The following NEBL variants were observed in gnomAD, a reference collection of about 807,000 sequenced individuals.
The protein encoded by NEBL is nebulette, also known as LIM and SH3 protein 2.
A neutral mutation model predicts 140.2 loss-of-function variants in NEBL; 122 were observed. The ratio of observed to expected loss-of-function variants is 0.87; its 90% CI spans 0.75 to 1.01. The LOEUF (loss-of-function observed/expected upper bound fraction) is 1.01. Among genes scored for constraint, NEBL ranks in the 50% least tolerant of loss-of-function variants. NEBL has a pLI of 0.00. For synonymous variants in NEBL, 436 were observed against 398.9 expected, an observed-to-expected ratio of 1.09 and a Z score of -1.11; for missense variants, 1,365 against 1,231.3, an observed-to-expected ratio of 1.11 and a Z score of -1.62.
chr10:21,020,840 C>T (rs1186488490), intron 2 of NEBL, among the ~76,000 whole-genome samples: 1 of 152,166 alleles, frequency 6.6e-6, no homozygotes, highest in African/African-American at 2.4e-5. Flanking sequence ...TCAAGGTCCT[C>T]ACCTGGGATC....
At chr10:20,802,070 A>G (rs575937346) in intron 26 of NEBL, among the ~76,000 whole-genome samples, 3 of 152,212 alleles carry the variant, frequency 2.0e-5, no homozygotes, top group Non-Finnish European at 2.9e-5. Context: ...ACAGAAACAC[A>G]TAGCATACCT....
intron 2 of NEBL, among the ~76,000 whole-genome samples, chr10:21,086,282 G>T (rs915204556): frequency 3.3e-5 from 5 of 152,180 alleles, no homozygotes; most frequent in Non-Finnish European, 1.5e-5. Flanking sequence ...CACGATTTGT[G>T]TAAGGAGAAA....
chr10:21,168,264 T>C (rs924131050), intron 2 of NEBL, among the ~76,000 whole-genome samples: 4 of 152,244 alleles, frequency 2.6e-5, no homozygotes, highest in Non-Finnish European at 5.9e-5. Flanking sequence ...TTATGTTTTC[T>C]TACAATAATT....
intron 2 of NEBL, among the ~76,000 whole-genome samples, chr10:21,031,735 G>A (rs7087917): frequency 0.018 from 2,687 of 152,094 alleles, 85 homozygotes; most frequent in African/African-American, 0.061. Flanking sequence ...CTTTCCCACC[G>A]GGAGCCCAAG....
At position 21,026,258 on chromosome 10, in the gene NEBL, T is replaced by G. The variant is rs113108680; in HGVS notation, c.165-6057A>C. 3.4e-3 allele frequency among the ~76,000 whole-genome samples: 515 copies of G among 152,128 alleles called. 8 individuals carry two copies. The highest frequency in any genetic ancestry group is 0.012 in the African/African-American group (493 of 41,486). On this transcript the variant is annotated intron_variant, in intron 2 of 6. Coordinates refer to the NEBL transcript ENST00000417816. The stretch of plus-strand genomic sequence containing the variant: ...TCTGGTTGTCTCATTTGGGAGTGAG[T>G]AGGGAGGGGAAAATACTACTGACAT...
At chr10:20,872,566 A>C (rs1012436803) in intron 5 of NEBL, among the ~76,000 whole-genome samples, 11 of 152,166 alleles carry the variant, frequency 7.2e-5, no homozygotes, top group Non-Finnish European at 1.0e-4. Flanking sequence ...CTCCATCTTG[A>C]GAAGGGAATG....
intron 13 of NEBL, among the ~76,000 whole-genome samples, chr10:20,839,976 A>G (rs574599405): frequency 1.3e-5 from 2 of 152,292 alleles, no homozygotes; most frequent in African/African-American, 4.8e-5. Context: ...TCTGAATTCT[A>G]CCTTGACAGT....
At chr10:20,907,068 C>T (rs1393365739) in intron 4 of NEBL, among the ~76,000 whole-genome samples, 1 of 152,074 alleles carries the variant, frequency 6.6e-6, no homozygotes, top group African/African-American at 2.4e-5. Context: ...CCATGTTGGA[C>T]AGTATAGCTC....
At chr10:21,067,945 T>C (rs1835643888) in intron 2 of NEBL, among the ~76,000 whole-genome samples, 4 of 151,830 alleles carry the variant, frequency 2.6e-5, no homozygotes, top group Non-Finnish European at 5.9e-5. Flanking sequence ...CACCATGCAC[T>C]CCAGCCTGGG....
At chr10:21,155,936 T>C (rs1404264844) in intron 2 of NEBL, among the ~76,000 whole-genome samples, 3 of 152,180 alleles carry the variant, frequency 2.0e-5, no homozygotes, top group Non-Finnish European at 4.4e-5. Context: ...GAGGTGGAGT[T>C]GGCCCCCACC....
intron 3 of NEBL, among the ~76,000 whole-genome samples, chr10:21,185,290 C>G (rs998467211): frequency 2.6e-5 from 4 of 152,066 alleles, no homozygotes; most frequent in African/African-American, 7.2e-5. Context: ...GAAAAGGTCA[C>G]CGTTCCCAGA....
chr10:21,150,831 A>G (rs1840108303), intron 2 of NEBL, among the ~76,000 whole-genome samples: 1 of 152,328 alleles, frequency 6.6e-6, no homozygotes, highest in South Asian at 2.1e-4. Context: ...AAATTGTACA[A>G]GAAAATTAAT....
chr10:21,016,098 T>C (rs919541792), intron 3 of NEBL, among the ~76,000 whole-genome samples: 3 of 152,272 alleles, frequency 2.0e-5, no homozygotes, highest in Non-Finnish European at 2.9e-5. Flanking sequence ...CCACTCTTCA[T>C]GCTATTTCTT....
chr10:21,126,148 G>A (rs757952456), intron 2 of NEBL: 16 of 1,590,286 alleles, frequency 1.0e-5, no homozygotes, highest in East Asian at 4.5e-5. Flanking sequence ...GCAGCTGTCC[G>A]TTCTTCAAGC....
chr10:21,014,315 T>A (rs916734989), intron 3 of NEBL, among the ~76,000 whole-genome samples: 4 of 151,930 alleles, frequency 2.6e-5, no homozygotes, highest in Admixed American at 1.3e-4. Context: ...ATTACCACCC[T>A]CTCTCCCACT....
chr10:20,906,934 CAT>C (rs747688303), intron 4 of NEBL, among the ~76,000 whole-genome samples: 1 of 152,012 alleles, frequency 6.6e-6, no homozygotes, highest in East Asian at 1.9e-4. Flanking sequence ...TACAATGAGA[CAT>C]GTTATATTTT....
intron 3 of NEBL, among the ~76,000 whole-genome samples, chr10:21,228,359 G>T (rs1297055223): frequency 1.3e-5 from 2 of 151,912 alleles, no homozygotes; most frequent in East Asian, 3.9e-4. Context: ...CTCACTTTTT[G>T]CCCAGGCTGG....
chr10:21,116,597 C>A (rs1165822826), intron 2 of NEBL, among the ~76,000 whole-genome samples: 1 of 151,988 alleles, frequency 6.6e-6, no homozygotes, highest in Non-Finnish European at 1.5e-5. Flanking sequence ...CATTTCTAGG[C>A]CTTTTTCTAT....
intron 3 of NEBL, among the ~76,000 whole-genome samples, chr10:21,232,883 G>T (rs1195034750): frequency 6.6e-6 from 1 of 152,244 alleles, no homozygotes; most frequent in Non-Finnish European, 1.5e-5. Context: ...AGAAGTTGCA[G>T]TAGTTCAGGA....
Sources: allele counts gnomAD v4.1 joint callset (sites outside exome capture counted in the v4.1 genomes callset), GRCh38; gene constraint gnomAD v4.1.1; transcripts MANE v1.5; gene names NCBI Gene and HGNC (gene_info 2026-07-23, HGNC 2026-07-21).